The following MEI4 variants were observed in gnomAD, a reference collection of about 807,000 sequenced individuals.
MEI4 encodes meiotic double-stranded break formation protein 4.
MEI4 carries 27 observed loss-of-function variants against 31.4 expected under a neutral mutation model. The ratio of observed to expected loss-of-function variants is 0.86; its 90% CI spans 0.63 to 1.19. The LOEUF (loss-of-function observed/expected upper bound fraction) is 1.19, where lower values mean the gene tolerates loss of function less well. Among genes scored for constraint, MEI4 ranks in the 50% most tolerant of loss-of-function variants. The pLI, the probability that MEI4 is intolerant of heterozygous loss-of-function variation, is 0.00. For missense variants in MEI4, 329 were observed against 398.9 expected (o/e 0.82, Z 1.49); for synonymous variants, 122 against 145.4 (o/e 0.84, Z 1.16).
chr6:77,754,682 T>A (rs947052608), intron 2 of MEI4, among the ~76,000 whole-genome samples: 2 of 152,218 alleles, frequency 1.3e-5, no homozygotes, highest in South Asian at 4.1e-4. Context: ...CTGGGTAATT[T>A]ACAAAGAAAT....
chr6:77,866,526 G>T (rs1771032980), intron 4 of MEI4, among the ~76,000 whole-genome samples: 1 of 152,166 alleles, frequency 6.6e-6, no homozygotes, highest in Admixed American at 6.5e-5. Context: ...TAAGGGATGT[G>T]AAGGACCTCT....
At chr6:77,874,481 C>T (rs941404486) in intron 4 of MEI4, among the ~76,000 whole-genome samples, 1 of 152,184 alleles carries the variant, frequency 6.6e-6, no homozygotes, top group African/African-American at 2.4e-5. Flanking sequence ...GCTGAAGTTG[C>T]TTGTCAGCTT....
At chr6:77,880,237 T>TG (rs1290634873) in intron 4 of MEI4, among the ~76,000 whole-genome samples, 2 of 112,084 alleles carry the variant, frequency 1.8e-5, no homozygotes, top group African/African-American at 6.9e-5. Context: ...TTTGTTTGTT[T>TG]TTTTTTTTTT....
chr6:77,780,512 G>A (rs1434798813), intron 3 of MEI4, among the ~76,000 whole-genome samples: 1 of 152,168 alleles, frequency 6.6e-6, no homozygotes, highest in African/African-American at 2.4e-5. Context: ...GTCTGAGTAT[G>A]TTATTCATCC....
At chr6:77,914,917 A>T (rs1056768642) in intron 4 of MEI4, among the ~76,000 whole-genome samples, 24 of 151,958 alleles carry the variant, frequency 1.6e-4, no homozygotes, top group African/African-American at 5.8e-4. Flanking sequence ...TATTTTTTCT[A>T]TACCTTTATT....
intron 3 of MEI4, among the ~76,000 whole-genome samples, chr6:77,818,692 A>T (rs2127707511): frequency 6.6e-6 from 1 of 152,182 alleles, no homozygotes; most frequent in Non-Finnish European, 1.5e-5. Context: ...ACCTAATTTT[A>T]CCTATTCGTA....
At chr6:77,875,923 A>G (rs1238769105) in intron 4 of MEI4, among the ~76,000 whole-genome samples, 1 of 152,146 alleles carries the variant, frequency 6.6e-6, no homozygotes, top group Admixed American at 6.5e-5. Flanking sequence ...TGTAATCCAG[A>G]GAGATTAGGT....
chr6:77,674,380 T>G (rs982588197), intron 1 of MEI4, among the ~76,000 whole-genome samples: 2 of 152,182 alleles, frequency 1.3e-5, no homozygotes, highest in African/African-American at 4.8e-5. Context: ...TAATGTCATT[T>G]CAGTAAACAG....
At chr6:77,777,812 A>G (rs1276249622) in intron 3 of MEI4, among the ~76,000 whole-genome samples, 1 of 152,182 alleles carries the variant, frequency 6.6e-6, no homozygotes, top group African/African-American at 2.4e-5. Flanking sequence ...ATATATTCTC[A>G]GAAAGGTAAA....
At chr6:77,886,837 T>A (rs1260513502) in intron 4 of MEI4, among the ~76,000 whole-genome samples, 1 of 152,216 alleles carries the variant, frequency 6.6e-6, no homozygotes, top group Non-Finnish European at 1.5e-5. Context: ...TATTTGGGTC[T>A]TCTCTCTTTT....
chr6:77,756,539 T>A (rs1767922253), intron 2 of MEI4, among the ~76,000 whole-genome samples: 2 of 122,920 alleles, frequency 1.6e-5, no homozygotes, highest in Admixed American at 1.6e-4. Flanking sequence ...ATTATTGGCT[T>A]TTTTTTAGCT....
At chr6:77,757,030 G>C (rs1767934721) in intron 2 of MEI4, among the ~76,000 whole-genome samples, 1 of 152,166 alleles carries the variant, frequency 6.6e-6, no homozygotes, top group East Asian at 1.9e-4. Context: ...CAGCCTCTTT[G>C]CTGTCATTGG....
intron 4 of MEI4, among the ~76,000 whole-genome samples, chr6:77,831,494 AATAAAG>A (rs1037297644): frequency 2.0e-5 from 3 of 150,422 alleles, no homozygotes; most frequent in African/African-American, 4.9e-5. Flanking sequence ...TAAATGAATG[AATAAAG>A]ATAATTTTAT....
Position 77,923,483 on chromosome 6 carries a change from T to A in MEI4, c.*137T>A. The A allele has an allele frequency of 1.4e-6, 1 of 725,282 alleles. No individual in the cohort carries two copies. Among genetic ancestry groups the A allele is most frequent in the Non-Finnish European group, 1.9e-6 (1 of 528,944 alleles). 44.9% of individuals were successfully genotyped at this position (725,282 alleles called of 1,614,324 possible). On this transcript the variant is annotated 3_prime_UTR_variant, in exon 5 of 5. Transcript: ENST00000684080. Reference sequence around the variant, plus strand: ...TCTAAATATAATTATCAATTCAACTTAATGGTTAGTCTTAAATTGTATGAA... The same window carrying A: ...TCTAAATATAATTATCAATTCAACTAAATGGTTAGTCTTAAATTGTATGAA...
At chr6:77,749,954 G>C (rs541017747) in intron 2 of MEI4, among the ~76,000 whole-genome samples, 1 of 152,260 alleles carries the variant, frequency 6.6e-6, no homozygotes, top group South Asian at 2.1e-4. Flanking sequence ...AAGAGAGTGG[G>C]GGCCAATATT....
At chr6:77,665,168 A>G (rs1274032742) in intron 1 of MEI4, among the ~76,000 whole-genome samples, 1 of 151,120 alleles carries the variant, frequency 6.6e-6, no homozygotes, top group East Asian at 2.0e-4. Context: ...AGAAATAAGG[A>G]GTCGAGGCAC....
intron 4 of MEI4, among the ~76,000 whole-genome samples, chr6:77,865,187 C>A (rs1254707623): frequency 6.6e-6 from 1 of 152,054 alleles, no homozygotes; most frequent in Admixed American, 6.5e-5. Flanking sequence ...GAAGCAAGAG[C>A]AAACATATTC....
chr6:77,923,447 TA>T lies in MEI4; in HGVS notation c.*102del. ...TTCAATAGTATTTTAATTAGCATTT[TA>T]GAATTGATCTCTAAATATAATTATC... On this transcript the variant is annotated 3_prime_UTR_variant, in exon 5 of 5. Coordinates refer to ENST00000684080, the MANE Select transcript of MEI4 (RefSeq NM_001322247.2). 1 of 914,026 alleles carries T rather than the reference TA, an allele frequency of 1.1e-6. No homozygotes were observed. Among genetic ancestry groups the T allele is most frequent in the Non-Finnish European group, 1.4e-6 (1 of 700,190 alleles). 56.6% of individuals were successfully genotyped at this position (914,026 alleles called of 1,614,324 possible).
At chr6:77,905,100 CTT>C (rs775459413) in intron 4 of MEI4, among the ~76,000 whole-genome samples, 6 of 152,022 alleles carry the variant, frequency 3.9e-5, no homozygotes, top group Non-Finnish European at 8.8e-5. Context: ...AACTCTCTCA[CTT>C]TTGTCTGGGG....
Sources: allele counts gnomAD v4.1 joint callset (sites outside exome capture counted in the v4.1 genomes callset), GRCh38; gene constraint gnomAD v4.1.1; transcripts MANE v1.5; gene names NCBI Gene and HGNC (gene_info 2026-07-23, HGNC 2026-07-21).